GLB1: variants seen among roughly 807,000 people sequenced by gnomAD.
GLB1 encodes galactosidase beta 1.
In GLB1, 56 loss-of-function variants were observed where a neutral mutation model predicts 74.0. The observed-to-expected ratio is 0.76, with a 90% CI of 0.61 to 0.94. The LOEUF (loss-of-function observed/expected upper bound fraction) is 0.94. Among genes scored for constraint, GLB1 ranks in the 40% least tolerant of loss-of-function variants. The pLI is 0.00. For synonymous variants in GLB1, 323 were observed against 323.6 expected, an observed-to-expected ratio of 1.00 and a Z score of 0.02; for missense variants, 787 against 845.5, an observed-to-expected ratio of 0.93 and a Z score of 0.86.
At chr3:33,026,887 G>A (rs1418549858) in intron 10 of GLB1, among the ~76,000 whole-genome samples, 2 of 152,100 alleles carry the variant, frequency 1.3e-5, no homozygotes, top group Non-Finnish European at 2.9e-5. Context: ...CTGTTCTATC[G>A]CTCAATAAAG....
intron 10 of GLB1, among the ~76,000 whole-genome samples, chr3:33,041,560 G>C (rs564026639): frequency 1.3e-5 from 2 of 151,802 alleles, no homozygotes; most frequent in Admixed American, 6.6e-5. Flanking sequence ...TGCTTGGGAG[G>C]CTGAGGCAGG....
chr3:32,968,197 G>T, the GLB1 span, among the ~76,000 whole-genome samples: 1 of 152,196 alleles, frequency 6.6e-6, no homozygotes, highest in East Asian at 1.9e-4. Flanking sequence ...AGGAGGCATG[G>T]ACATGGGCGT....
chr3:33,092,727 C>T (rs988783630), intron 1 of GLB1: 1 of 1,491,086 alleles, frequency 6.7e-7, no homozygotes, highest in Non-Finnish European at 8.9e-7. Flanking sequence ...GGTGTGTAGG[C>T]AAGGATGAGT....
At chr3:33,030,352 G>C (rs188252226) in intron 10 of GLB1, among the ~76,000 whole-genome samples, 1 of 152,340 alleles carries the variant, frequency 6.6e-6, no homozygotes, top group East Asian at 1.9e-4. Context: ...CACTCTGGGA[G>C]AGGGACTAGA....
chr3:33,031,788 T>C (rs1698054956), intron 10 of GLB1, among the ~76,000 whole-genome samples: 1 of 150,808 alleles, frequency 6.6e-6, no homozygotes, highest in South Asian at 2.1e-4. Flanking sequence ...ATTACATTCA[T>C]TTCTTTTTTT....
At chr3:32,981,892 C>CT in the GLB1 span, among the ~76,000 whole-genome samples, 42 of 152,098 alleles carry the variant, frequency 2.8e-4, no homozygotes, top group African/African-American at 8.9e-4. Context: ...TCTTGGTATT[C>CT]ATATGTTTTC....
At chr3:33,020,871 T>C (rs1197109271) in intron 12 of GLB1, among the ~76,000 whole-genome samples, 4 of 152,164 alleles carry the variant, frequency 2.6e-5, no homozygotes, top group African/African-American at 9.6e-5. Context: ...CTCAAATGGT[T>C]AGAAAAAGAA....
At chr3:33,076,208 G>A (rs990519731) in intron 1 of GLB1, among the ~76,000 whole-genome samples, 3 of 152,202 alleles carry the variant, frequency 2.0e-5, no homozygotes, top group Non-Finnish European at 2.9e-5. Context: ...AGGATAAAGC[G>A]AAGTTAGCCA....
At chr3:33,058,529 T>C (rs180844170) in intron 5 of GLB1, among the ~76,000 whole-genome samples, 51 of 152,106 alleles carry the variant, frequency 3.4e-4, no homozygotes, top group Non-Finnish European at 6.3e-4. Flanking sequence ...GGTGTTCAGA[T>C]TGTAGTGGTA....
rs192732174 is a variant in GLB1, at chr3:33,068,245, G to A, written c.442C>T (p.Arg148Cys). 115 of 1,613,856 alleles carry A rather than the reference G, an allele frequency of 7.1e-5. No individual in the cohort carries two copies. Among genetic ancestry groups the A allele is most frequent in the Middle Eastern group, 1.6e-4 (1 of 6,080 alleles). ...WLLEKESILL[R>C]SSDPDYLAAV... ...AACAACCTACCTGGGTCGGAGGAGC[G>A]GAGAAGAATAGACTCTTTCTCTAGC... Residue 148 changes from arginine to cysteine, a missense_variant, in exon 4 of 16, where the codon CGC becomes TGC. Transcript: ENST00000307363.
chr3:33,086,862 G>C (rs913404468), intron 1 of GLB1, among the ~76,000 whole-genome samples: 4 of 151,520 alleles, frequency 2.6e-5, no homozygotes, highest in Admixed American at 1.3e-4. Context: ...TTTAGATCCT[G>C]TTTCAAACAA....
At position 33,055,997 on chromosome 3, in the gene GLB1, G is replaced by A. The variant is rs193214479; in HGVS notation, c.733+2092C>T. Among the ~76,000 whole-genome samples the A allele has an allele frequency of 5.9e-3, 893 of 151,734 alleles. 3 individuals are homozygous for A. Among genetic ancestry groups the A allele is most frequent in the Non-Finnish European group, 9.9e-3 (673 of 67,918 alleles). ...AATCCCAACACTTTGGGAGGCCGAGGCAGGCAGATCATGTGAGGTTAGGAG... is the reference window on the plus strand; with the variant it reads ...AATCCCAACACTTTGGGAGGCCGAGACAGGCAGATCATGTGAGGTTAGGAG... On this transcript the variant is annotated intron_variant, in intron 6 of 15. Coordinates refer to ENST00000307363, the MANE Select transcript of GLB1 (RefSeq NM_000404.4).
downstream of GLB1, among the ~76,000 whole-genome samples, chr3:32,995,844 CAAAAAA>C (rs71070110): frequency 8.0e-6 from 1 of 124,236 alleles, no homozygotes; most frequent in Non-Finnish European, 1.7e-5. Context: ...GACCCAGCCT[CAAAAAA>C]AAAAAAAAAA....
intron 1 of GLB1, among the ~76,000 whole-genome samples, chr3:33,089,207 A>G (rs1169443477): frequency 1.3e-5 from 2 of 152,226 alleles, no homozygotes; most frequent in Admixed American, 1.3e-4. Flanking sequence ...GAAAAAAGCT[A>G]CGTGATATTG....
intron 1 of GLB1, among the ~76,000 whole-genome samples, chr3:33,088,368 TACACACACACACACACACAC>T (rs55949952): frequency 7.1e-5 from 10 of 141,720 alleles, no homozygotes; most frequent in Non-Finnish European, 7.7e-5. Context: ...CCCTAAAGAC[TACACACACACACACACACAC>T]ACACACACAC....
At chr3:33,037,750 G>A (rs1698336896) in intron 10 of GLB1, among the ~76,000 whole-genome samples, 1 of 152,230 alleles carries the variant, frequency 6.6e-6, no homozygotes, top group Non-Finnish European at 1.5e-5. Context: ...ACTGTCAACA[G>A]AGGCTTTGAG....
intron 1 of GLB1, among the ~76,000 whole-genome samples, chr3:33,074,377 GAAGGAAGGAAGGAAGA>G (rs1285675264): frequency 0.11 from 890 of 7,978 alleles, 24 homozygotes; most frequent in Non-Finnish European, 0.3. Flanking sequence ...AGGAAGGAAG[GAAGGAAGGAAGGAAGA>G]AAGAAAGAAA....
At chr3:33,061,133 G>A (rs1473588319) in intron 5 of GLB1, among the ~76,000 whole-genome samples, 1 of 152,168 alleles carries the variant, frequency 6.6e-6, no homozygotes, top group Non-Finnish European at 1.5e-5. Flanking sequence ...ACACCAGGCT[G>A]GGCGTGGTGG....
At chr3:32,980,065 G>A in the GLB1 span, among the ~76,000 whole-genome samples, 4 of 151,932 alleles carry the variant, frequency 2.6e-5, no homozygotes, top group African/African-American at 4.8e-5. Flanking sequence ...TTTTTTTAGT[G>A]AAAACTCAAA....
Sources: allele counts gnomAD v4.1 joint callset (sites outside exome capture counted in the v4.1 genomes callset), GRCh38; gene constraint gnomAD v4.1.1; transcripts MANE v1.5; gene names NCBI Gene and HGNC (gene_info 2026-07-23, HGNC 2026-07-21).